The following EBF3 variants were observed in gnomAD, a reference collection of about 807,000 sequenced individuals.
EBF3 encodes the protein transcription factor COE3.
Under a neutral mutation model 77.1 loss-of-function variants are expected in EBF3, and 18 were observed. The ratio of observed to expected loss-of-function variants is 0.23; its 90% confidence interval spans 0.16 to 0.35. EBF3 has a LOEUF of 0.35. Among genes scored for constraint, EBF3 ranks in the 10% least tolerant of loss-of-function variants. The probability of loss-of-function intolerance (pLI) is 1.00; values close to 1 mark genes in which losing one functional copy is unlikely to be tolerated. For missense variants in EBF3, 558 were observed against 860.0 expected (o/e 0.65, Z 4.39); for synonymous variants, 350 against 343.5 (o/e 1.02, Z -0.21).
intron 5 of EBF3, 138 bp downstream of exon 5, chr10:129,958,796 G>C: frequency 1.7e-6 from 2 of 1,171,940 alleles, no homozygotes; most frequent in Non-Finnish European, 2.3e-6. Context: ...CCCGGCGCGC[G>C]GCCTCGGGCC....
chr10:129,944,010 A>G lies in EBF3; in HGVS notation c.554+13248T>C, dbSNP rs561151071. Reference sequence around the variant, plus strand: ...CCTATGCGTGATTTCTGAGTTGATTAACATTTCATCTCTAGTGTTATGTTA... The same window carrying G: ...CCTATGCGTGATTTCTGAGTTGATTGACATTTCATCTCTAGTGTTATGTTA... On this transcript the variant is annotated intron_variant, in intron 6 of 16. Coordinates refer to ENST00000440978, the MANE Select transcript of EBF3 (RefSeq NM_001375380.1). This position sits in a 1 kb window ranked among gnomAD's most constrained non-coding sequence, Gnocchi z 5.1. 2.6e-5 allele frequency among the ~76,000 whole-genome samples: 4 copies of G among 152,336 alleles called. No homozygotes were observed. Among genetic ancestry groups the G allele is most frequent in the Admixed American group, 2.6e-4 (4 of 15,308 alleles).
At chr10:129,849,536 C>G (rs1850711041) in intron 10 of EBF3, among the ~76,000 whole-genome samples, 1 of 152,156 alleles carries the variant, frequency 6.6e-6, no homozygotes, top group African/African-American at 2.4e-5. Flanking sequence ...CCGGAGAGGA[C>G]GGCTAGGGGG....
intron 6 of EBF3, among the ~76,000 whole-genome samples, chr10:129,951,822 C>A (rs540692926): frequency 6.6e-6 from 1 of 152,354 alleles, no homozygotes; most frequent in Admixed American, 6.5e-5. Context: ...CTGTTCCTGG[C>A]GCCTCCCTCT....
chr10:129,874,689 C>T (rs1852630289), intron 7 of EBF3, among the ~76,000 whole-genome samples: 1 of 152,156 alleles, frequency 6.6e-6, no homozygotes, highest in African/African-American at 2.4e-5. Context: ...TGAGTCAGCA[C>T]CACCCGAGGG....
At chr10:129,915,419 G>T (rs1459222900) in intron 6 of EBF3, among the ~76,000 whole-genome samples, 1 of 151,904 alleles carries the variant, frequency 6.6e-6, no homozygotes, top group Non-Finnish European at 1.5e-5. Context: ...TTCTCCAGAA[G>T]AGTTATGATT....
At chr10:129,844,622 C>T (rs1850325623) in intron 11 of EBF3, among the ~76,000 whole-genome samples, 1 of 152,156 alleles carries the variant, frequency 6.6e-6, no homozygotes, top group Non-Finnish European at 1.5e-5. Flanking sequence ...TTAATCACTA[C>T]GGGCATCACT....
At chr10:129,920,395 C>T (rs1316409857) in intron 6 of EBF3, among the ~76,000 whole-genome samples, 56 of 152,018 alleles carry the variant, frequency 3.7e-4, no homozygotes, top group Non-Finnish European at 1.9e-4. Flanking sequence ...GGGCCACAAA[C>T]CCACCCCGCT....
intron 10 of EBF3, among the ~76,000 whole-genome samples, chr10:129,857,296 G>C (rs138502947): frequency 6.6e-6 from 1 of 152,068 alleles, no homozygotes; most frequent in African/African-American, 2.4e-5. Flanking sequence ...TTTCCACATA[G>C]GGGTTCCCAA....
chr10:129,889,946 CTTTTTTTTTTTTTT>C (rs10665456), intron 6 of EBF3, among the ~76,000 whole-genome samples: 3 of 82,880 alleles, frequency 3.6e-5, no homozygotes, highest in Non-Finnish European at 6.5e-5. Flanking sequence ...ATTGAAGTGC[CTTTTTTTTTTTTTT>C]TTTTTTTTTT....
Position 129,837,667 on chromosome 10 carries a change from C to A in EBF3, c.*276G>T. On this transcript the variant is annotated 3_prime_UTR_variant, in exon 17 of 17. Transcript: ENST00000440978. The stretch of plus-strand genomic sequence containing the variant: ...TACAAAATAGGCGTCGCTTTGTTTT[C>A]CTTATTCTTCAGGACTGAGAAATGT... The A allele has an allele frequency of 2.6e-5, 11 of 416,108 alleles. No homozygotes were observed. The highest frequency in any genetic ancestry group is 3.4e-5 in the Non-Finnish European group (8 of 234,734). 25.8% of individuals were successfully genotyped at this position (416,108 alleles called of 1,614,324 possible).
chr10:129,939,777 G>T (rs150720302), intron 6 of EBF3, among the ~76,000 whole-genome samples: 1 of 152,322 alleles, frequency 6.6e-6, no homozygotes, highest in East Asian at 1.9e-4. Flanking sequence ...TCTGTCACAC[G>T]CAAGCTAATA....
rs143919282 is a variant in EBF3, at chr10:129,884,067, G to C, written c.555-6218C>G. 5.7e-3 allele frequency among the ~76,000 whole-genome samples: 875 copies of C among 152,262 alleles called. 11 individuals are homozygous for C. Among genetic ancestry groups the C allele is most frequent in the South Asian group, 0.027 (132 of 4,812 alleles). On this transcript the variant is annotated intron_variant, in intron 6 of 16. Coordinates refer to ENST00000440978, the MANE Select transcript of EBF3 (RefSeq NM_001375380.1). The stretch of plus-strand genomic sequence containing the variant: ...TAGTTAAGAGTCAAATTAAAAGATA[G>C]AGCCTTTAAGAGACTTTTCCCTGAC...
chr10:129,841,178 G>T lies in EBF3; in HGVS notation c.1373-146C>A. The T allele has an allele frequency of 3.5e-6, 4 of 1,128,018 alleles. No homozygotes were observed. The highest frequency in any genetic ancestry group is 4.9e-6 in the Non-Finnish European group (4 of 813,100). The allele number at this position is 1,128,018 out of a possible 1,614,324, so 69.9% of individuals were successfully genotyped here. A position where few individuals can be genotyped will look rare whatever the true frequency, so the allele number is the denominator to read the frequency against. On this transcript the variant is annotated intron_variant, in intron 13 of 16. Transcript: ENST00000440978. This position sits in a 1 kb window ranked among gnomAD's most constrained non-coding sequence, Gnocchi z 4.6. Reference sequence around the variant, plus strand: ...TGCTCTAGCGCCTGCTGCCAGCTCGGATGACCTTATCACGCCAACCCTGCT... The same window carrying T: ...TGCTCTAGCGCCTGCTGCCAGCTCGTATGACCTTATCACGCCAACCCTGCT...
rs1469909305 is a variant in EBF3 at position 129,935,979 on chromosome 10, C to T, written c.554+21279G>A. Among the ~76,000 whole-genome samples the T allele has an allele frequency of 6.9e-6, 1 of 144,378 alleles. No individual in the cohort carries two copies. The highest frequency in any genetic ancestry group is 1.5e-5 in the Non-Finnish European group (1 of 65,294). 94.7% of individuals were successfully genotyped at this position (144,378 alleles called of 152,430 possible). A position where few individuals can be genotyped will look rare whatever the true frequency, so the allele number is the denominator to read the frequency against. The stretch of plus-strand genomic sequence containing the variant: ...TCCATCGGGGGGCTTCCTGAAGCTG[C>T]CCCCCCCGCCCAACAATGCAGCTGG... On this transcript the variant is annotated intron_variant, in intron 6 of 16. Coordinates refer to ENST00000440978, the MANE Select transcript of EBF3 (RefSeq NM_001375380.1). The surrounding 1 kb of genome is among the most constrained non-coding windows in gnomAD (Gnocchi z 4.2).
chr10:129,912,294 G>A (rs376794534), intron 6 of EBF3, among the ~76,000 whole-genome samples: 34 of 152,258 alleles, frequency 2.2e-4, no homozygotes, highest in African/African-American at 3.1e-4. Flanking sequence ...AATTTACACC[G>A]GGCCTTTACA....
At chr10:129,896,515 C>T (rs1854391623) in intron 6 of EBF3, among the ~76,000 whole-genome samples, 2 of 152,182 alleles carry the variant, frequency 1.3e-5, no homozygotes, top group Admixed American at 1.3e-4. Context: ...CGGCGTGGGC[C>T]GGGTGTGGGG....
rs1859752825 is a variant in EBF3, at chr10:129,964,143, C to T, written c.-375G>A. 1 of 984,984 alleles carries T rather than the reference C, an allele frequency of 1.0e-6. No homozygotes were observed. Among genetic ancestry groups the T allele is most frequent in the Non-Finnish European group, 1.2e-6 (1 of 829,790 alleles). The allele number at this position is 984,984 out of a possible 1,614,324, so 61.0% of individuals were successfully genotyped here. A position where few individuals can be genotyped will look rare whatever the true frequency, so the allele number is the denominator to read the frequency against. ...GCCCGCTTCTGGCGCGGCCCGCCTG[C>T]TCCAAAGACAAATAAACGGGGCAGT... On this transcript the variant is annotated 5_prime_UTR_variant, in exon 1 of 17. Transcript: ENST00000440978. The surrounding 1 kb of genome is among the most constrained non-coding windows in gnomAD (Gnocchi z 4.5).
At chr10:129,872,709 T>A (rs1852486578) in intron 8 of EBF3, among the ~76,000 whole-genome samples, 1 of 152,202 alleles carries the variant, frequency 6.6e-6, no homozygotes, top group African/African-American at 2.4e-5. Context: ...AAATGTTTAA[T>A]GGGGGAAGTG....
At chr10:129,867,411 G>A (rs1328131239) in intron 9 of EBF3, 144 bp from the exon 10 acceptor site, 55 of 1,313,752 alleles carry the variant, frequency 4.2e-5, no homozygotes, top group South Asian at 3.2e-4. Context: ...CCAGAGTCCC[G>A]GGACCTACAG....
Sources: gnomAD v4.1 joint callset for allele counts (sites outside exome capture counted in the v4.1 genomes callset) on GRCh38, gnomAD v4.1.1 for gene constraint, Gnocchi (gnomAD v3.1) non-coding constraint, MANE v1.5 for transcripts, NCBI Gene and HGNC (gene_info 2026-07-23, HGNC 2026-07-21) for gene names.